Variants in WDFY3 observed in about 807,000 individuals in gnomAD.
WDFY3 encodes WD repeat and FYVE domain-containing protein 3.
WDFY3 carries 66 observed loss-of-function variants against 409.6 expected under a neutral mutation model. That is an observed-to-expected ratio of 0.16 (90% confidence interval 0.13 to 0.20). The LOEUF (loss-of-function observed/expected upper bound fraction) is 0.20. Among genes scored for constraint, WDFY3 ranks in the 10% least tolerant of loss-of-function variants. The pLI is 1.00. For missense variants in WDFY3, 3,031 were observed against 4,298.1 expected, an observed-to-expected ratio of 0.71 and a Z score of 8.24; for synonymous variants, 1,521 against 1,537.1, an observed-to-expected ratio of 0.99 and a Z score of 0.25.
In WDFY3 at chr4:84,736,331, T is replaced by C; in HGVS notation, c.6758-4A>G. ...CTTATGCATTTCTTTTCATGGGCTA[T>C]TAAAAAATCAAATTAGATTATTTTA... On this transcript the variant is annotated splice_region_variant and splice_polypyrimidine_tract_variant and intron_variant, in intron 41 of 67. Coordinates refer to ENST00000295888, the MANE Select transcript of WDFY3 (RefSeq NM_014991.6). The C allele has an allele frequency of 6.3e-7, 1 of 1,575,242 alleles. No individual in the cohort carries two copies. The highest frequency in any genetic ancestry group is 8.6e-7 in the Non-Finnish European group (1 of 1,166,336).
At chr4:84,794,773 T>G (rs781037411) in intron 20 of WDFY3, 36 bp from the exon 21 acceptor site, 1 of 1,546,798 alleles carries the variant, frequency 6.5e-7, no homozygotes, top group Admixed American at 2.0e-5. Context: ...TCTGTGTTGA[T>G]TAATATTTAT....
intron 58 of WDFY3, among the ~76,000 whole-genome samples, chr4:84,695,721 GGAGGTT>G (rs1369211406): frequency 6.6e-6 from 1 of 152,048 alleles, no homozygotes; most frequent in African/African-American, 2.4e-5. Flanking sequence ...TACATCTCAT[GGAGGTT>G]TAAGAAAGCA....
At position 84,837,008 on chromosome 4, in the gene WDFY3, A is replaced by T; in HGVS notation, c.497T>A (p.Val166Glu). 6.2e-7 allele frequency: 1 copy of T among 1,602,884 alleles called. No homozygotes were observed. Among genetic ancestry groups the T allele is most frequent in the Non-Finnish European group, 8.5e-7 (1 of 1,174,882 alleles). The change falls in exon 7 of 68, where the codon GTG (valine) becomes GAG (glutamate). Residue 166 changes from valine to glutamate, a missense_variant. Transcript: ENST00000295888. ...CLYLFFDLPH[V>E]PEAVGGAQNE... is the part of the protein sequence containing the mutation. ...CTGTGCACCTCCAACTGCCTCAGGC[A>T]CATGTGGAAGGTCAAAAAACAGATA... is the stretch of plus-strand genomic sequence containing the variant.
intron 9 of WDFY3, among the ~76,000 whole-genome samples, chr4:84,828,136 A>C (rs1755133807): frequency 6.6e-6 from 1 of 152,102 alleles, no homozygotes; most frequent in Non-Finnish European, 1.5e-5. Flanking sequence ...GTAAGTTTAC[A>C]AAACAGTGGT....
chr4:84,963,554 T>C (rs891049385), intron 1 of WDFY3, among the ~76,000 whole-genome samples: 2 of 152,180 alleles, frequency 1.3e-5, no homozygotes, highest in African/African-American at 4.8e-5. Context: ...TCGGGTGTGA[T>C]TTCAGACTAG....
Position 84,817,413 on chromosome 4 carries a change from C to T in WDFY3, c.1866G>A (p.Gln622=), listed in dbSNP as rs1753455613. ...LMHSAPPTEL[Q]LKTDILRALL... Reference sequence around the variant, plus strand: ...TTACCCTTAAAATATCAGTCTTCAACTGCAATTCCGTCGGTGGGGCTGAAT... The same window carrying T: ...TTACCCTTAAAATATCAGTCTTCAATTGCAATTCCGTCGGTGGGGCTGAAT... Residue 622 remains glutamine (Q), a synonymous_variant, in exon 13 of 68, where the codon CAG becomes CAA. Transcript: ENST00000295888. 1 of 1,613,682 alleles carries T rather than the reference C, an allele frequency of 6.2e-7. No individual in the cohort carries two copies. The highest frequency in any genetic ancestry group is 8.5e-7 in the Non-Finnish European group (1 of 1,179,692).
intron 5 of WDFY3, among the ~76,000 whole-genome samples, chr4:84,847,977 G>A (rs1426756331): frequency 6.6e-6 from 1 of 150,916 alleles, no homozygotes; most frequent in African/African-American, 2.4e-5. Context: ...AAATTGAGGA[G>A]TTCTCTTAGC....
rs754038393 is a variant in WDFY3 at position 84,810,048 on chromosome 4, T to G, written c.2184A>C (p.Leu728=). 2 of 1,614,116 alleles carry G rather than the reference T, an allele frequency of 1.2e-6. No individual in the cohort carries two copies. The highest frequency in any genetic ancestry group is 2.7e-5 in the African/African-American group (2 of 74,952). Residue 728 remains leucine (L), a synonymous_variant, in exon 14 of 68, where the codon CTA becomes CTC. Coordinates refer to ENST00000295888, the MANE Select transcript of WDFY3 (RefSeq NM_014991.6). The stretch of plus-strand genomic sequence containing the variant: ...AGACATTCATGGCGCTTATTTTTCT[T>G]AGGTCTGAGAAGCAGCCAAGAAATC... ...AVRFLGCFSD[L]RKISAMNVFP...
intron 35 of WDFY3, among the ~76,000 whole-genome samples, chr4:84,753,065 T>C (rs767225508): frequency 6.6e-6 from 1 of 152,214 alleles, no homozygotes; most frequent in Non-Finnish European, 1.5e-5. Context: ...TCTGCAAAAA[T>C]GTGCTTCAGT....
In WDFY3 at chr4:84,826,852, T is replaced by C; in HGVS notation, c.1086A>G (p.Leu362=). Residue 362 remains leucine, a synonymous_variant, in exon 10 of 68, where the codon TTA becomes TTG. Coordinates refer to ENST00000295888, the MANE Select transcript of WDFY3 (RefSeq NM_014991.6). Reference sequence around the variant, plus strand: ...GCTGAGGTACTGCAAATCCAGGCAATAAAAAGGGTGCCCCTGTGGTAATAC... The same window carrying C: ...GCTGAGGTACTGCAAATCCAGGCAACAAAAAGGGTGCCCCTGTGGTAATAC... The part of the protein sequence containing the change: ...PAGITTGAPF[L]LPGFAVPQPA... 1 of 1,609,750 alleles carries C rather than the reference T, an allele frequency of 6.2e-7. No individual in the cohort carries two copies. The highest frequency in any genetic ancestry group is 8.5e-7 in the Non-Finnish European group (1 of 1,178,996).
At chr4:84,868,171 CAAAAAAAAAAAAAAAAAAAAA>C (rs70943375) in intron 3 of WDFY3, among the ~76,000 whole-genome samples, 2 of 38,442 alleles carry the variant, frequency 5.2e-5, no homozygotes, top group African/African-American at 2.0e-4. Flanking sequence ...GACTCTGTCT[CAAAAAAAAAAAAAAAAAAAAA>C]AAAAAAAAAA....
At chr4:84,963,017 A>C (rs924378610) in intron 1 of WDFY3, among the ~76,000 whole-genome samples, 2 of 151,804 alleles carry the variant, frequency 1.3e-5, no homozygotes, top group East Asian at 1.9e-4. Flanking sequence ...AATACACCAC[A>C]CACACCAAGG....
chr4:84,695,834 T>C, intron 58 of WDFY3, 136 bp downstream of exon 58: 1 of 864,498 alleles, frequency 1.2e-6, no homozygotes, highest in Non-Finnish European at 1.7e-6. Context: ...TCTAGGAATC[T>C]ATTGAAATCC....
At chr4:84,859,615 G>A (rs762921086) in intron 4 of WDFY3, among the ~76,000 whole-genome samples, 22 of 152,074 alleles carry the variant, frequency 1.4e-4, no homozygotes, top group Non-Finnish European at 2.1e-4. Flanking sequence ...CACTCTTGTC[G>A]CCCAGGCTGG....
intron 4 of WDFY3, among the ~76,000 whole-genome samples, chr4:84,857,304 T>C (rs1759892092): frequency 6.6e-6 from 1 of 152,128 alleles, no homozygotes; most frequent in Non-Finnish European, 1.5e-5. Context: ...TATCTACTTA[T>C]TAAAAAAACA....
intron 17 of WDFY3, among the ~76,000 whole-genome samples, chr4:84,798,931 T>C (rs573424746): frequency 6.6e-6 from 1 of 152,282 alleles, no homozygotes; most frequent in South Asian, 2.1e-4. Context: ...TTCAGTACCA[T>C]ACATGAGATG....
intron 4 of WDFY3, among the ~76,000 whole-genome samples, chr4:84,853,122 T>C (rs1451763182): frequency 6.6e-6 from 1 of 152,072 alleles, no homozygotes; most frequent in African/African-American, 2.4e-5. Context: ...TAATGACACA[T>C]CTTTGAATAG....
chr4:84,883,493 A>G (rs1223424764), intron 3 of WDFY3, among the ~76,000 whole-genome samples: 1 of 152,208 alleles, frequency 6.6e-6, no homozygotes, highest in Non-Finnish European at 1.5e-5. Context: ...TACTACCTTG[A>G]ATAAACTGGC....
Position 84,740,144 on chromosome 4 carries a change from C to G in WDFY3, c.6464+43G>C, listed in dbSNP as rs776524451. ...ATAAAGAATTTTGTTGGAATAACAT[C>G]AAAGCCAAATTTAACATGGCAAACT... is the stretch of plus-strand genomic sequence containing the variant. On this transcript the variant is annotated intron_variant, in intron 39 of 67. Transcript: ENST00000295888. 17 of 1,598,146 alleles carry G rather than the reference C, an allele frequency of 1.1e-5. No individual in the cohort carries two copies. In the South Asian group the frequency reaches 1.9e-4, roughly 18 times the overall value.
Sources: gnomAD v4.1 joint callset for allele counts (sites outside exome capture counted in the v4.1 genomes callset) on GRCh38, gnomAD v4.1.1 for gene constraint, MANE v1.5 for transcripts, NCBI Gene and HGNC (gene_info 2026-07-23, HGNC 2026-07-21) for gene names.